Variants in COL14A1 observed in about 807,000 individuals in gnomAD.
The protein encoded by COL14A1 is collagen type XIV alpha 1 chain, also known as collagen alpha-1(XIV) chain.
In COL14A1, 136 loss-of-function variants were observed where a neutral mutation model predicts 230.3. The observed-to-expected ratio is 0.59, with a 90% CI of 0.51 to 0.68. COL14A1 has a LOEUF of 0.68. Among genes scored for constraint, COL14A1 ranks in the 30% least tolerant of loss-of-function variants. COL14A1 has a pLI of 0.00. For synonymous variants in COL14A1, 792 were observed against 784.1 expected (o/e 1.01, Z -0.17); for missense variants, 1,976 against 2,215.8 (o/e 0.89, Z 2.17).
intron 11 of COL14A1, among the ~76,000 whole-genome samples, chr8:120,209,486 A>C (rs1817554354): frequency 2.0e-5 from 3 of 152,178 alleles, no homozygotes; most frequent in Admixed American, 6.5e-5. Context: ...ATCCCTGTAC[A>C]AGGAGCTGGA....
At position 120,304,788 on chromosome 8, in the gene COL14A1, A is replaced by G. The variant is rs192861383; in HGVS notation, c.4401+3970A>G. ...TTCATTTAAGAATAACACCCAGGGT[A>G]TATGCAGCACCCTTTCTCTCATATT... On this transcript the variant is annotated intron_variant, in intron 36 of 47. Transcript: ENST00000297848. Among the ~76,000 whole-genome samples the G allele has an allele frequency of 2.2e-3, 338 of 152,294 alleles. 1 individual carries two copies. Among genetic ancestry groups the G allele is most frequent in the African/African-American group, 7.6e-3 (317 of 41,570 alleles).
intron 4 of COL14A1, among the ~76,000 whole-genome samples, chr8:120,165,332 TC>T (rs1490136982): frequency 6.6e-6 from 1 of 152,246 alleles, no homozygotes; most frequent in African/African-American, 2.4e-5. Context: ...GGATTTGCAT[TC>T]TTTATGAGTT....
At chr8:120,323,461 T>C (rs1454454961) in intron 40 of COL14A1, among the ~76,000 whole-genome samples, 2 of 152,186 alleles carry the variant, frequency 1.3e-5, no homozygotes, top group African/African-American at 4.8e-5. Context: ...TTGCAATTGC[T>C]TTTGGCATCT....
Position 120,162,463 on chromosome 8 carries a change from A to G in COL14A1, c.243A>G (p.Ala81=). 6.2e-7 allele frequency: 1 copy of G among 1,612,156 alleles called. No homozygotes were observed. Among genetic ancestry groups the G allele is most frequent in the South Asian group, 1.1e-5 (1 of 90,398 alleles). The part of the protein sequence containing the change: ...KTNQLNLQNT[A]TKAIIQGLMP... The stretch of plus-strand genomic sequence containing the variant: ...ACCAGCTGAATCTGCAGAACACTGC[A>G]ACTAAAGCAATTATTCAAGGCCTTA... The change falls in exon 4 of 48, where the codon GCA becomes GCG. Residue 81 remains alanine, a synonymous_variant. Transcript: ENST00000297848.
intron 1 of COL14A1, among the ~76,000 whole-genome samples, chr8:120,144,037 T>C (rs538465938): frequency 6.6e-6 from 1 of 152,260 alleles, no homozygotes; most frequent in South Asian, 2.1e-4. Flanking sequence ...GATGTGTTTT[T>C]ATTGTTGCCA....
chr8:120,285,779 G>A (rs1323548966), intron 32 of COL14A1, 82 bp from the exon 33 acceptor site: 15 of 879,684 alleles, frequency 1.7e-5, no homozygotes, highest in African/African-American at 1.0e-4. Context: ...TCGATGCATT[G>A]TTTTGTTTTG....
intron 19 of COL14A1, among the ~76,000 whole-genome samples, chr8:120,235,352 G>C (rs1818407106): frequency 6.6e-6 from 1 of 151,846 alleles, no homozygotes; most frequent in Admixed American, 6.6e-5. Flanking sequence ...GTTTTTTTTA[G>C]TAGAGATGGG....
intron 5 of COL14A1, among the ~76,000 whole-genome samples, chr8:120,187,510 T>A (rs1262542157): frequency 6.6e-6 from 1 of 152,186 alleles, no homozygotes; most frequent in African/African-American, 2.4e-5. Flanking sequence ...TAGTGCTTGG[T>A]ACATAATAAA....
At chr8:120,211,676 A>G (rs1817618617) in intron 12 of COL14A1, among the ~76,000 whole-genome samples, 1 of 152,192 alleles carries the variant, frequency 6.6e-6, no homozygotes, top group Non-Finnish European at 1.5e-5. Context: ...TATTTTCTGT[A>G]AGTTTATGTT....
intron 19 of COL14A1, among the ~76,000 whole-genome samples, chr8:120,240,137 G>A (rs763906300): frequency 6.6e-5 from 10 of 151,154 alleles, no homozygotes; most frequent in Non-Finnish European, 1.0e-4. Context: ...TAGTAAAAAC[G>A]AAAAATATTG....
chr8:120,167,994 G>GA lies in COL14A1; in HGVS notation c.350-161dup, dbSNP rs200676236. On this transcript the variant is annotated intron_variant, in intron 4 of 47. Coordinates refer to ENST00000297848, the MANE Select transcript of COL14A1 (RefSeq NM_021110.4). Reference sequence around the variant, plus strand: ...CTGTGTCTTTTCATGTCAAAGTTGAGAAAAAACAAAACAAAACAGCAGTTC... The same window carrying GA: ...CTGTGTCTTTTCATGTCAAAGTTGAGAAAAAAACAAAACAAAACAGCAGTTC... 2.0e-5 allele frequency among the ~76,000 whole-genome samples: 3 copies of GA among 152,196 alleles called. No individual in the cohort carries two copies. In the East Asian group the frequency reaches 5.8e-4, roughly 29 times the overall value.
chr8:120,164,574 C>T (rs567318777), intron 4 of COL14A1, among the ~76,000 whole-genome samples: 4 of 152,320 alleles, frequency 2.6e-5, no homozygotes, highest in Middle Eastern at 3.4e-3. Flanking sequence ...AAAGAAAACA[C>T]AACTTGGTTA....
chr8:120,275,677 A>G (rs1411233897), intron 26 of COL14A1, among the ~76,000 whole-genome samples: 1 of 152,076 alleles, frequency 6.6e-6, no homozygotes, highest in Non-Finnish European at 1.5e-5. Context: ...AAATGGCATG[A>G]ATAAACATTT....
chr8:120,366,392 C>CA (rs1462257026), intron 45 of COL14A1, among the ~76,000 whole-genome samples: 1 of 152,022 alleles, frequency 6.6e-6, no homozygotes, highest in Non-Finnish European at 1.5e-5. Context: ...TTGTTGTACA[C>CA]AAAAAAACAG....
At chr8:120,217,837 A>T (rs1201306174) in intron 14 of COL14A1, among the ~76,000 whole-genome samples, 1 of 151,530 alleles carries the variant, frequency 6.6e-6, no homozygotes, top group Non-Finnish European at 1.5e-5. Context: ...GTGTAGGAGG[A>T]TGAGGAAGAT....
At position 120,367,231 on chromosome 8, in the gene COL14A1, GC is replaced by G; in HGVS notation, c.5144del (p.Pro1715LeufsTer55). On this transcript the variant is annotated frameshift_variant, in exon 46 of 48. Transcript: ENST00000297848. LOFTEE classifies it high-confidence loss of function. ...NPGVGTQGPR[G>X]PPGPAGPSGE... ...GGCGTTGGAACCCAAGGTCCAAGAG[GC>G]CCCCCTGGACCAGCAGGTAAATCTT... The G allele has an allele frequency of 6.2e-7, 1 of 1,613,218 alleles. No homozygotes were observed. The highest frequency in any genetic ancestry group is 1.1e-5 in the South Asian group (1 of 90,888).
chr8:120,281,109 CA>C, intron 31 of COL14A1, 50 bp downstream of exon 31: 1 of 1,532,754 alleles, frequency 6.5e-7, no homozygotes, highest in South Asian at 1.2e-5. Flanking sequence ...TATTATATCT[CA>C]CTGTGAAAAT....
At chr8:120,180,001 A>C (rs1041206481) in intron 5 of COL14A1, among the ~76,000 whole-genome samples, 1 of 152,204 alleles carries the variant, frequency 6.6e-6, no homozygotes, top group African/African-American at 2.4e-5. Context: ...ATATGCAGAA[A>C]ACTGAAACTG....
intron 4 of COL14A1, among the ~76,000 whole-genome samples, chr8:120,163,421 A>G (rs1346548309): frequency 1.3e-5 from 2 of 152,196 alleles, no homozygotes; most frequent in Non-Finnish European, 2.9e-5. Context: ...TGGTCCAATC[A>G]ATGTCCACAC....
Sources: allele counts gnomAD v4.1 joint callset (sites outside exome capture counted in the v4.1 genomes callset), GRCh38; gene constraint gnomAD v4.1.1; transcripts MANE v1.5; gene names NCBI Gene and HGNC (gene_info 2026-07-23, HGNC 2026-07-21).